Variants in SYK observed in about 807,000 individuals in gnomAD.
The protein encoded by SYK is spleen associated tyrosine kinase, also known as tyrosine-protein kinase SYK.
Under a neutral mutation model 77.8 loss-of-function variants are expected in SYK, and 16 were observed. That is an observed-to-expected ratio of 0.21 (90% confidence interval 0.14 to 0.31). The LOEUF is 0.31. SYK is among the 10% of genes least tolerant of loss of function. SYK has a pLI of 1.00. For synonymous variants in SYK, 312 were observed against 308.7 expected (o/e 1.01, Z -0.11); for missense variants, 529 against 814.4 (o/e 0.65, Z 4.26).
At position 90,897,345 on chromosome 9, in the gene SYK, G is replaced by A. The variant is rs1819389978; in HGVS notation, c.*1745G>A. 4.3e-6 allele frequency: 1 copy of A among 231,014 alleles called. No homozygotes were observed. The highest frequency in any genetic ancestry group is 1.8e-4 in the South Asian group (1 of 5,520). 14.3% of individuals were successfully genotyped at this position (231,014 alleles called of 1,614,324 possible). ...ATTTTTAAAGACAGAATCCCTGAGTGCTGAGCAGATTCTCAAAACACATTT... is the reference window on the plus strand; with the variant it reads ...ATTTTTAAAGACAGAATCCCTGAGTACTGAGCAGATTCTCAAAACACATTT... On this transcript the variant is annotated 3_prime_UTR_variant, in exon 14 of 14. Coordinates refer to ENST00000375754, the MANE Select transcript of SYK (RefSeq NM_003177.7).
chr9:90,859,657 A>G (rs1198211963), intron 3 of SYK, among the ~76,000 whole-genome samples: 2 of 152,208 alleles, frequency 1.3e-5, no homozygotes, highest in African/African-American at 4.8e-5. Context: ...CAGTTTCAGG[A>G]GACTGTTCCA....
At chr9:90,877,527 A>G (rs1564114799) in intron 9 of SYK, 44 bp from the exon 10 acceptor site, 1 of 1,600,064 alleles carries the variant, frequency 6.2e-7, no homozygotes, top group Non-Finnish European at 8.6e-7. Flanking sequence ...TCTAGAAGTG[A>G]GGCATTTTGG....
intron 3 of SYK, among the ~76,000 whole-genome samples, chr9:90,859,518 T>C (rs1827170238): frequency 6.6e-6 from 1 of 152,212 alleles, no homozygotes; most frequent in African/African-American, 2.4e-5. Flanking sequence ...CTGTGGTCAC[T>C]TACGTTGTGT....
At chr9:90,887,949 T>C (rs1011168973) in intron 12 of SYK, 60 bp downstream of exon 12, 60 of 1,473,164 alleles carry the variant, frequency 4.1e-5, no homozygotes, top group Non-Finnish European at 5.1e-5. Context: ...AAGCACCAGA[T>C]TGTCTTTACA....
At chr9:90,894,537 C>A (rs1001995965) in intron 13 of SYK, among the ~76,000 whole-genome samples, 2 of 152,192 alleles carry the variant, frequency 1.3e-5, no homozygotes, top group Non-Finnish European at 2.9e-5. Flanking sequence ...GGTCCTGATG[C>A]GCGTTCTATG....
In SYK at chr9:90,878,721, G is replaced by C; in HGVS notation, c.1392-43G>C. On this transcript the variant is annotated intron_variant, in intron 10 of 13. Transcript: ENST00000375754. ...GAGCATGGTTGTTTGTTGTGAAATG[G>C]GTCACTGTCTGTTATAGCTGATGAG... The C allele has an allele frequency of 2.6e-6, 4 of 1,532,250 alleles. No individual in the cohort carries two copies. In the Admixed American group the frequency reaches 6.8e-5, roughly 26 times the overall value. The allele number at this position is 1,532,250 out of a possible 1,614,324, so 94.9% of individuals were successfully genotyped here. A position where few individuals can be genotyped will look rare whatever the true frequency, so the allele number is the denominator to read the frequency against.
chr9:90,886,264 A>C (rs1463842434), intron 11 of SYK, among the ~76,000 whole-genome samples: 2 of 152,252 alleles, frequency 1.3e-5, no homozygotes, highest in African/African-American at 4.8e-5. Flanking sequence ...ATGAGATACC[A>C]TCTTACCCCG....
chr9:90,814,449 C>G (rs979410120), intron 1 of SYK, among the ~76,000 whole-genome samples: 2 of 152,178 alleles, frequency 1.3e-5, no homozygotes, highest in Admixed American at 6.5e-5. Flanking sequence ...TGTCAGGGAC[C>G]AGTTGCCACA....
At chr9:90,842,752 G>GGA (rs200112654) in intron 1 of SYK, among the ~76,000 whole-genome samples, 47 of 84,120 alleles carry the variant, frequency 5.6e-4, no homozygotes, top group East Asian at 3.8e-3. Context: ...CATGTGGTAT[G>GGA]GAGAGAGTGT....
At chr9:90,825,145 C>G (rs1215133807) in intron 1 of SYK, among the ~76,000 whole-genome samples, 5 of 147,412 alleles carry the variant, frequency 3.4e-5, no homozygotes, top group African/African-American at 1.2e-4. Flanking sequence ...CAAGAAAATA[C>G]TTAGGTATAA....
intron 11 of SYK, among the ~76,000 whole-genome samples, chr9:90,884,378 C>T (rs1188757522): frequency 7.0e-6 from 1 of 142,416 alleles, no homozygotes; most frequent in Non-Finnish European, 1.5e-5. Context: ...TACACACATA[C>T]GTGTATATAT....
At chr9:90,813,558 C>T (rs1229064455) in intron 1 of SYK, among the ~76,000 whole-genome samples, 1 of 152,162 alleles carries the variant, frequency 6.6e-6, no homozygotes, top group Non-Finnish European at 1.5e-5. Flanking sequence ...AGTACCCCAT[C>T]TGCAAAATGA....
intron 3 of SYK, among the ~76,000 whole-genome samples, chr9:90,848,121 A>G (rs939625644): frequency 2.6e-5 from 4 of 152,186 alleles, no homozygotes; most frequent in African/African-American, 7.2e-5. Flanking sequence ...AGAGTTTGCC[A>G]GCATACTGGA....
intron 1 of SYK, among the ~76,000 whole-genome samples, chr9:90,805,095 T>G (rs1824766709): frequency 6.6e-6 from 1 of 152,248 alleles, no homozygotes; most frequent in Non-Finnish European, 1.5e-5. Flanking sequence ...TATGTTACAG[T>G]ACATTTAATA....
Position 90,862,337 on chromosome 9 carries a change from T to C in SYK, c.710T>C (p.Leu237Pro). Residue 237 changes from leucine to proline, a missense_variant, in exon 4 of 14, where the codon CTC (leucine) becomes CCC (proline). By Grantham distance (98) the Leu-to-Pro change is moderately conservative. Coordinates refer to ENST00000375754, the MANE Select transcript of SYK (RefSeq NM_003177.7). ...CCCGAGGGAAAGAAGTTCGACACGC[T>C]CTGGCAGGTACCCAGCCTCCTCTCC... is the stretch of plus-strand genomic sequence containing the variant. ...SIPEGKKFDT[L>P]WQLVEHYSYK... 6.2e-7 allele frequency: 1 copy of C among 1,613,768 alleles called. No homozygotes were observed. The highest frequency in any genetic ancestry group is 8.5e-7 in the Non-Finnish European group (1 of 1,179,750).
chr9:90,861,082 A>C (rs964369175), intron 3 of SYK, among the ~76,000 whole-genome samples: 1 of 152,060 alleles, frequency 6.6e-6, no homozygotes, highest in African/African-American at 2.4e-5. Flanking sequence ...AGCTGTGGAG[A>C]GGGGAGAATG....
At chr9:90,849,430 T>C (rs1336510921) in intron 3 of SYK, among the ~76,000 whole-genome samples, 2 of 152,162 alleles carry the variant, frequency 1.3e-5, no homozygotes, top group Non-Finnish European at 2.9e-5. Context: ...ATGAATTGTT[T>C]GGATCCATTC....
intron 11 of SYK, among the ~76,000 whole-genome samples, chr9:90,884,576 C>T (rs62646606): frequency 0.17 from 1,312 of 7,558 alleles, 517 homozygotes; most frequent in East Asian, 0.57. Context: ...CATGTACATA[C>T]ATACACATAC....
rs956960942 is a variant in SYK at position 90,897,400 on chromosome 9, CAAAAT to C, written c.*1802_*1806del. 8.6e-6 allele frequency: 2 copies of C among 231,720 alleles called. No homozygotes were observed. The highest frequency in any genetic ancestry group is 4.4e-5 in the African/African-American group (2 of 45,246). 14.4% of individuals were successfully genotyped at this position (231,720 alleles called of 1,614,324 possible). The stretch of plus-strand genomic sequence containing the variant: ...TCCCTGAAATTAGAAAGATCAATGA[CAAAAT>C]ATCTGTCAGCCAGGCCACAAACAGG... On this transcript the variant is annotated 3_prime_UTR_variant, in exon 14 of 14. Coordinates refer to ENST00000375754, the MANE Select transcript of SYK (RefSeq NM_003177.7).
Sources: allele counts gnomAD v4.1 joint callset (sites outside exome capture counted in the v4.1 genomes callset), GRCh38; gene constraint gnomAD v4.1.1; transcripts MANE v1.5; gene names NCBI Gene and HGNC (gene_info 2026-07-23, HGNC 2026-07-21).